TENM4: variants seen among roughly 807,000 people sequenced by gnomAD.
TENM4 encodes teneurin transmembrane protein 4.
TENM4 carries 82 observed loss-of-function variants against 243.3 expected under a neutral mutation model. The ratio of observed to expected loss-of-function variants is 0.34; its 90% confidence interval spans 0.28 to 0.40. TENM4 has a LOEUF of 0.40. Among genes scored for constraint, TENM4 ranks in the 10% least tolerant of loss-of-function variants. TENM4 has a pLI of 1.00. For missense variants in TENM4, 3,138 were observed against 3,673.3 expected (o/e 0.85, Z 3.77); for synonymous variants, 1,412 against 1,456.3 (o/e 0.97, Z 0.69).
rs754178742 is a variant in TENM4 at position 78,669,072 on chromosome 11, C to A, written c.7273G>T (p.Ala2425Ser). The change falls in exon 32 of 34, where the codon GCC becomes TCC. Residue 2425 changes from alanine (A) to serine (S), a missense_variant. Ala to Ser is a moderately conservative substitution (Grantham distance 99, BLOSUM62 1). Transcript: ENST00000278550. This position sits in a 1 kb window ranked among gnomAD's most constrained non-coding sequence, Gnocchi z 6.4. Reference sequence around the variant, plus strand: ...TGGTCTGGGCTAGTCCAGCGTCCGGCCAGCACATCATAATCTCGCCGGCCC... The same window carrying A: ...TGGTCTGGGCTAGTCCAGCGTCCGGACAGCACATCATAATCTCGCCGGCCC... ...HMGRRDYDVL[A>S]GRWTSPDHEL... 1.2e-6 allele frequency: 2 copies of A among 1,613,914 alleles called. No homozygotes were observed. Among genetic ancestry groups the A allele is most frequent in the East Asian group, 2.2e-5 (1 of 44,892 alleles).
At chr11:79,370,779 TAAAAAAAAAAA>T (rs544196671) in intron 1 of TENM4, among the ~76,000 whole-genome samples, 20 of 57,168 alleles carry the variant, frequency 3.5e-4, no homozygotes, top group Admixed American at 8.6e-4. Context: ...ACTCCTATGG[TAAAAAAAAAAA>T]AAAAAAAAAA....
intron 6 of TENM4, 165 bp from the exon 7 acceptor site, chr11:78,903,688 A>G: frequency 8.6e-7 from 1 of 1,162,400 alleles, no homozygotes; most frequent in Non-Finnish European, 1.2e-6. Context: ...TTGAGCACCT[A>G]CCATTCTAGG....
At chr11:78,757,254 T>C (rs1856333077) in intron 18 of TENM4, among the ~76,000 whole-genome samples, 1 of 152,222 alleles carries the variant, frequency 6.6e-6, no homozygotes, top group Non-Finnish European at 1.5e-5. Context: ...GTCTGTACTG[T>C]ATGTTTTTCC....
chr11:78,732,039 C>T (rs921463431), intron 21 of TENM4, among the ~76,000 whole-genome samples: 1 of 152,128 alleles, frequency 6.6e-6, no homozygotes, highest in South Asian at 2.1e-4. Context: ...AGTGAACTAA[C>T]CAGGAGAGTG....
chr11:79,150,899 C>T (rs972491922), intron 3 of TENM4, among the ~76,000 whole-genome samples: 3 of 152,184 alleles, frequency 2.0e-5, no homozygotes, highest in African/African-American at 7.2e-5. Flanking sequence ...TCTACTTAAT[C>T]TTCACAATAA....
intron 1 of TENM4, among the ~76,000 whole-genome samples, chr11:79,385,263 T>A (rs913764015): frequency 2.0e-5 from 3 of 152,188 alleles, no homozygotes; most frequent in Non-Finnish European, 2.9e-5. Context: ...AGCATCAGTA[T>A]TTTTTTCAAA....
intron 9 of TENM4, among the ~76,000 whole-genome samples, chr11:78,870,890 G>C (rs1358054335): frequency 6.6e-6 from 1 of 152,278 alleles, no homozygotes; most frequent in South Asian, 2.1e-4. Context: ...AACCTAATTT[G>C]TACAGAATAA....
intron 4 of TENM4, among the ~76,000 whole-genome samples, chr11:79,114,769 C>CA (rs1340167880): frequency 6.6e-6 from 1 of 152,190 alleles, no homozygotes; most frequent in Non-Finnish European, 1.5e-5. Flanking sequence ...TCCAATTATA[C>CA]AGGACAGAGC....
At chr11:78,717,721 C>T (rs1859554653) in intron 25 of TENM4, among the ~76,000 whole-genome samples, 1 of 152,192 alleles carries the variant, frequency 6.6e-6, no homozygotes. Context: ...ACAGTGGAAA[C>T]ACTAAGTATG....
chr11:79,026,776 G>A (rs1364735809), intron 6 of TENM4, among the ~76,000 whole-genome samples: 4 of 152,170 alleles, frequency 2.6e-5, no homozygotes, highest in Admixed American at 2.0e-4. Context: ...TTACAGAGTG[G>A]CTTCCTTCAC....
At chr11:78,816,171 G>T (rs1857600957) in intron 12 of TENM4, among the ~76,000 whole-genome samples, 2 of 152,234 alleles carry the variant, frequency 1.3e-5, no homozygotes, top group African/African-American at 4.8e-5. Context: ...TCCCCAAACA[G>T]TAAAGAAACT....
At chr11:79,178,678 C>T (rs73506697) in intron 3 of TENM4, among the ~76,000 whole-genome samples, 86 of 152,234 alleles carry the variant, frequency 5.6e-4, no homozygotes, top group African/African-American at 9.4e-4. Context: ...GGAAGGATAG[C>T]GGGGAGAAAG....
intron 8 of TENM4, among the ~76,000 whole-genome samples, chr11:78,890,943 T>C (rs1156788490): frequency 6.6e-6 from 1 of 152,054 alleles, no homozygotes; most frequent in Non-Finnish European, 1.5e-5. Flanking sequence ...AGGGCCAGAG[T>C]CCATACAATA....
intron 18 of TENM4, 144 bp downstream of exon 18, chr11:78,770,848 T>A (rs1036674133): frequency 3.1e-6 from 3 of 965,964 alleles, no homozygotes; most frequent in Non-Finnish European, 4.5e-6. Context: ...CTAAGCCACA[T>A]GTGCAGTTTT....
At chr11:78,658,937 G>T in intron 33 of TENM4, 121 bp from the exon 34 acceptor site, 1 of 1,153,210 alleles carries the variant, frequency 8.7e-7, no homozygotes, top group Non-Finnish European at 1.2e-6. Flanking sequence ...GCGGCATGTA[G>T]CTCTACCGCT....
At chr11:78,826,320 T>G (rs1033087669) in intron 12 of TENM4, among the ~76,000 whole-genome samples, 7 of 151,984 alleles carry the variant, frequency 4.6e-5, no homozygotes, top group Admixed American at 2.6e-4. Context: ...CTCCTGACCT[T>G]AGGTGATCCA....
chr11:79,090,518 A>G (rs1860920594), intron 4 of TENM4, among the ~76,000 whole-genome samples: 1 of 152,224 alleles, frequency 6.6e-6, no homozygotes. Flanking sequence ...TTCGTTCTGC[A>G]TTGCATTCCA....
At chr11:79,409,647 A>G (rs1023846743) in intron 1 of TENM4, among the ~76,000 whole-genome samples, 1 of 152,130 alleles carries the variant, frequency 6.6e-6, no homozygotes, top group South Asian at 2.1e-4. Context: ...GACCACGCAC[A>G]CCAGCTGTAG....
At chr11:78,920,941 T>C (rs1591130525) in intron 6 of TENM4, among the ~76,000 whole-genome samples, 1 of 152,204 alleles carries the variant, frequency 6.6e-6, no homozygotes, top group Non-Finnish European at 1.5e-5. Flanking sequence ...GGCTCTGTGC[T>C]AGGTACTTTA....
Sources: allele counts gnomAD v4.1 joint callset (sites outside exome capture counted in the v4.1 genomes callset), GRCh38; gene constraint gnomAD v4.1.1; non-coding constraint Gnocchi (gnomAD v3.1); transcripts MANE v1.5; gene names NCBI Gene and HGNC (gene_info 2026-07-23, HGNC 2026-07-21).